DEPTOR: variants seen among roughly 807,000 people sequenced by gnomAD.
DEPTOR encodes the protein DEP domain-containing mTOR-interacting protein.
DEPTOR carries 41 observed loss-of-function variants against 41.6 expected under a neutral mutation model. The ratio of observed to expected loss-of-function variants is 0.98; its 90% CI spans 0.77 to 1.28. DEPTOR has a LOEUF of 1.28. Ranked by LOEUF, DEPTOR falls within the 50% of genes most tolerant of loss-of-function variation. DEPTOR has a pLI of 0.00. For missense variants in DEPTOR, 514 were observed against 527.9 expected (o/e 0.97, Z 0.26); for synonymous variants, 195 against 192.3 (o/e 1.01, Z -0.12).
At chr8:119,944,118 G>A (rs927407016) in intron 3 of DEPTOR, among the ~76,000 whole-genome samples, 1 of 152,142 alleles carries the variant, frequency 6.6e-6, no homozygotes, top group Non-Finnish European at 1.5e-5. Context: ...GGGATTACAG[G>A]CGTTAGCCAC....
chr8:119,909,416 G>A (rs1007270077), intron 1 of DEPTOR, among the ~76,000 whole-genome samples: 4 of 152,148 alleles, frequency 2.6e-5, no homozygotes, highest in African/African-American at 9.7e-5. Context: ...TTGGCACCCT[G>A]TCAGCATTCT....
intron 4 of DEPTOR, among the ~76,000 whole-genome samples, chr8:119,972,498 C>T (rs1001361013): frequency 3.3e-5 from 5 of 152,034 alleles, no homozygotes; most frequent in East Asian, 1.9e-4. Flanking sequence ...TAGCATGTGC[C>T]GGTAGTCCCA....
At chr8:119,945,082 G>A (rs771731397) in intron 3 of DEPTOR, among the ~76,000 whole-genome samples, 2 of 152,012 alleles carry the variant, frequency 1.3e-5, no homozygotes, top group Non-Finnish European at 2.9e-5. Context: ...TAAGCTCTCT[G>A]AGGTCATGCA....
At chr8:119,947,056 G>T (rs999804011) in intron 3 of DEPTOR, among the ~76,000 whole-genome samples, 1 of 152,136 alleles carries the variant, frequency 6.6e-6, no homozygotes, top group Non-Finnish European at 1.5e-5. Context: ...TATGCTAGAT[G>T]CTTTAAACAG....
chr8:120,029,623 T>A (rs949507880), intron 8 of DEPTOR, among the ~76,000 whole-genome samples: 1 of 152,196 alleles, frequency 6.6e-6, no homozygotes, highest in Non-Finnish European at 1.5e-5. Context: ...CTTGAATTCT[T>A]GACCCCAGGT....
chr8:119,981,443 G>T (rs1167136773), intron 4 of DEPTOR, among the ~76,000 whole-genome samples: 1 of 150,810 alleles, frequency 6.6e-6, no homozygotes, highest in Non-Finnish European at 1.5e-5. Context: ...ATCGTTTGAG[G>T]CCAGGAATTC....
intron 4 of DEPTOR, among the ~76,000 whole-genome samples, chr8:119,993,351 C>T (rs1287458301): frequency 2.6e-5 from 4 of 152,160 alleles, no homozygotes; most frequent in East Asian, 1.9e-4. Flanking sequence ...TTTCTGGCTA[C>T]ATCTGCTTTT....
chr8:120,015,642 T>A (rs1288722288), intron 8 of DEPTOR, among the ~76,000 whole-genome samples: 1 of 151,460 alleles, frequency 6.6e-6, no homozygotes, highest in African/African-American at 2.4e-5. Flanking sequence ...AAGTAGAGAG[T>A]CTAATAGGCA....
rs1230791889 is a variant in DEPTOR at position 120,001,008 on chromosome 8, C to T, written c.605-517C>T. On this transcript the variant is annotated intron_variant, in intron 4 of 8. Coordinates refer to ENST00000286234, the MANE Select transcript of DEPTOR (RefSeq NM_022783.4). Reference sequence around the variant, plus strand: ...AGGAGAATCGCTTGAACCTGGGAGGCGGAGGTTGCAGTGAGCCGAGATCAT... The same window carrying T: ...AGGAGAATCGCTTGAACCTGGGAGGTGGAGGTTGCAGTGAGCCGAGATCAT... Among the ~76,000 whole-genome samples the T allele has an allele frequency of 4.6e-5, 7 of 151,196 alleles. No individual in the cohort carries two copies. The East Asian group carries it at 6.0e-4, about 13-fold the overall frequency.
chr8:119,913,572 A>G (rs954456240), intron 1 of DEPTOR, among the ~76,000 whole-genome samples: 3 of 152,190 alleles, frequency 2.0e-5, no homozygotes, highest in Non-Finnish European at 4.4e-5. Flanking sequence ...TACCTTTTAA[A>G]TGTCTTTCTA....
At position 119,951,398 on chromosome 8, in the gene DEPTOR, C is replaced by T. The variant is rs1425834913; in HGVS notation, c.426-13834C>T. ...TTATATAATTTTGTGGTGATGAAAC[C>T]ATAGTTGAATGTGGCCTTTTAGGAT... On this transcript the variant is annotated intron_variant, in intron 3 of 8. Transcript: ENST00000286234. 2.6e-5 allele frequency among the ~76,000 whole-genome samples: 4 copies of T among 152,048 alleles called. No individual in the cohort carries two copies. In the East Asian group the frequency reaches 5.8e-4, roughly 22 times the overall value.
At chr8:120,009,225 C>A in intron 8 of DEPTOR, 92 bp downstream of exon 8, 2 of 1,104,634 alleles carry the variant, frequency 1.8e-6, no homozygotes, top group Non-Finnish European at 2.6e-6. Context: ...CCAAACCCAT[C>A]TTATTTTGTG....
chr8:119,951,078 C>CACACACAA (rs1404712036), intron 3 of DEPTOR, among the ~76,000 whole-genome samples: 5 of 149,908 alleles, frequency 3.3e-5, no homozygotes, highest in African/African-American at 1.3e-4. Flanking sequence ...CACAAACACA[C>CACACACAA]ACACACACAC....
intron 7 of DEPTOR, among the ~76,000 whole-genome samples, chr8:120,008,085 CTAA>C (rs1563590369): frequency 6.6e-6 from 1 of 152,208 alleles, no homozygotes; most frequent in Non-Finnish European, 1.5e-5. Flanking sequence ...ACTGCCAGCT[CTAA>C]TAATGATTTC....
chr8:119,969,738 G>A (rs1056160843), intron 4 of DEPTOR: 9 of 152,172 alleles, frequency 5.9e-5, no homozygotes, highest in African/African-American at 2.2e-4. Context: ...GGGTTTCTGA[G>A]GGAGTTTCAG....
intron 1 of DEPTOR, among the ~76,000 whole-genome samples, chr8:119,880,662 A>G (rs914766547): frequency 6.6e-6 from 1 of 152,192 alleles, no homozygotes; most frequent in African/African-American, 2.4e-5. Context: ...GAGTATTTAT[A>G]TTTTGACAAG....
intron 4 of DEPTOR, among the ~76,000 whole-genome samples, chr8:119,992,403 T>A (rs1375217015): frequency 6.6e-6 from 1 of 152,168 alleles, no homozygotes. Flanking sequence ...ATTCCCTCTC[T>A]GTTTAAGTCT....
chr8:119,993,674 A>T (rs913984802), intron 4 of DEPTOR, among the ~76,000 whole-genome samples: 16 of 152,314 alleles, frequency 1.1e-4, no homozygotes, highest in Non-Finnish European at 4.4e-5. Context: ...GGGATCTGAG[A>T]AATGTAGAAT....
At chr8:120,044,586 G>T (rs1330185727) in intron 8 of DEPTOR, among the ~76,000 whole-genome samples, 2 of 152,170 alleles carry the variant, frequency 1.3e-5, no homozygotes, top group Non-Finnish European at 1.5e-5. Flanking sequence ...TGAATAGGGG[G>T]AGGGCAGGGC....
Sources: gnomAD v4.1 joint callset for allele counts (sites outside exome capture counted in the v4.1 genomes callset) on GRCh38, gnomAD v4.1.1 for gene constraint, MANE v1.5 for transcripts, NCBI Gene and HGNC (gene_info 2026-07-23, HGNC 2026-07-21) for gene names.